The following PRKN variants were observed in gnomAD, a reference collection of about 807,000 sequenced individuals.
PRKN encodes the protein E3 ubiquitin-protein ligase parkin.
PRKN carries 56 observed loss-of-function variants against 59.5 expected under a neutral mutation model. The observed-to-expected ratio is 0.94, with a 90% CI of 0.76 to 1.18. PRKN has a LOEUF of 1.18. PRKN is among the 50% of genes most tolerant of loss of function. The pLI is 0.00. For missense variants in PRKN, 657 were observed against 596.4 expected, an observed-to-expected ratio of 1.10 and a Z score of -1.06; for synonymous variants, 250 against 222.1, an observed-to-expected ratio of 1.13 and a Z score of -1.12.
intron 7 of PRKN, among the ~76,000 whole-genome samples, chr6:161,648,737 C>G (rs902061610): frequency 6.6e-6 from 1 of 152,090 alleles, no homozygotes; most frequent in Admixed American, 6.6e-5. Flanking sequence ...TGCAGTAGAT[C>G]AACAGCATAA....
intron 7 of PRKN, among the ~76,000 whole-genome samples, chr6:161,641,897 T>C (rs920779304): frequency 6.6e-6 from 1 of 152,200 alleles, no homozygotes; most frequent in Admixed American, 6.5e-5. Flanking sequence ...CACCTACCAA[T>C]GAACCAAGCT....
At chr6:162,652,264 A>C (rs376794757) in intron 1 of PRKN, among the ~76,000 whole-genome samples, 8 of 152,280 alleles carry the variant, frequency 5.3e-5, no homozygotes, top group African/African-American at 1.7e-4. Flanking sequence ...CTAAGGACAC[A>C]ATTTTATAAC....
rs1224889377 is a variant in PRKN, at chr6:161,399,547, C to G, written c.1084-12670G>C. ...CTCCCCCTCCCATAAGGAGTTTGAG[C>G]AGTGGTGGTGGCTGAACTGATGAGC... On this transcript the variant is annotated intron_variant, in intron 9 of 11. Transcript: ENST00000366898. This position sits in a 1 kb window ranked among gnomAD's most constrained non-coding sequence, Gnocchi z 4.4. Among the ~76,000 whole-genome samples, 1 of 152,134 alleles carries G rather than the reference C, an allele frequency of 6.6e-6. No homozygotes were observed. The highest frequency in any genetic ancestry group is 1.5e-5 in the Non-Finnish European group (1 of 68,036).
chr6:161,556,927 C>T (rs1378464007), intron 8 of PRKN, among the ~76,000 whole-genome samples: 3 of 152,068 alleles, frequency 2.0e-5, no homozygotes, highest in Non-Finnish European at 4.4e-5. Flanking sequence ...ACTATACTGA[C>T]AGTTTTAAGC....
intron 7 of PRKN, among the ~76,000 whole-genome samples, chr6:161,748,832 C>A (rs556695861): frequency 6.6e-6 from 1 of 152,136 alleles, no homozygotes; most frequent in Non-Finnish European, 1.5e-5. Flanking sequence ...AGTCTCCTTT[C>A]AAACATTTAA....
chr6:161,704,606 C>T (rs372664552), intron 7 of PRKN, among the ~76,000 whole-genome samples: 14 of 152,280 alleles, frequency 9.2e-5, no homozygotes, highest in African/African-American at 3.4e-4. Context: ...AAAATCTGCA[C>T]ACCCAGGTCC....
At chr6:162,099,839 C>T (rs1189974848) in intron 4 of PRKN, among the ~76,000 whole-genome samples, 3 of 152,052 alleles carry the variant, frequency 2.0e-5, no homozygotes, top group Non-Finnish European at 2.9e-5. Flanking sequence ...CTACAGTCAC[C>T]ATATTGTGCA....
chr6:161,957,012 C>T (rs986879572), intron 6 of PRKN, among the ~76,000 whole-genome samples: 4 of 152,182 alleles, frequency 2.6e-5, no homozygotes, highest in African/African-American at 4.8e-5. Flanking sequence ...TGGGAACCTC[C>T]GAGTCTTCAG....
chr6:161,703,778 C>G (rs1786352131), intron 7 of PRKN, among the ~76,000 whole-genome samples: 1 of 147,206 alleles, frequency 6.8e-6, no homozygotes, highest in Non-Finnish European at 1.5e-5. Context: ...TGTGTCTAGT[C>G]AGTTTCTACC....
intron 4 of PRKN, among the ~76,000 whole-genome samples, chr6:162,094,938 A>G (rs1053308437): frequency 1.3e-5 from 2 of 152,148 alleles, no homozygotes; most frequent in Non-Finnish European, 2.9e-5. Context: ...TATTCATGCA[A>G]ATAGTATTGA....
At chr6:162,598,036 A>C (rs1392305776) in intron 1 of PRKN, among the ~76,000 whole-genome samples, 1 of 152,210 alleles carries the variant, frequency 6.6e-6, no homozygotes, top group Non-Finnish European at 1.5e-5. Flanking sequence ...TTAAAATAGA[A>C]TCACGATGGA....
At chr6:161,449,556 C>A (rs1789635122) in intron 9 of PRKN, among the ~76,000 whole-genome samples, 1 of 152,126 alleles carries the variant, frequency 6.6e-6, no homozygotes, top group South Asian at 2.1e-4. Context: ...CCATGGAAAT[C>A]TTAAGTCAAA....
chr6:162,418,747 C>A (rs1788789838), intron 2 of PRKN, among the ~76,000 whole-genome samples: 1 of 151,500 alleles, frequency 6.6e-6, no homozygotes, highest in African/African-American at 2.4e-5. Flanking sequence ...ACGGTTCCTG[C>A]ACACTCATGA....
At chr6:162,305,543 C>A (rs1015449126) in intron 2 of PRKN, among the ~76,000 whole-genome samples, 2 of 152,160 alleles carry the variant, frequency 1.3e-5, no homozygotes, top group East Asian at 1.9e-4. Flanking sequence ...TGCTTTTAGA[C>A]CATGGGTCCA....
chr6:162,610,739 A>G (rs1782112681), intron 1 of PRKN, among the ~76,000 whole-genome samples: 1 of 152,210 alleles, frequency 6.6e-6, no homozygotes, highest in South Asian at 2.1e-4. Flanking sequence ...ATTTCATGTT[A>G]GCATTTTTAT....
At position 161,377,310 on chromosome 6, in the gene PRKN, G is replaced by A. The variant is rs1785758898; in HGVS notation, c.1167+9484C>T. Among the ~76,000 whole-genome samples, 1 of 152,258 alleles carries A rather than the reference G, an allele frequency of 6.6e-6. No individual in the cohort carries two copies. Among genetic ancestry groups the A allele is most frequent in the Non-Finnish European group, 1.5e-5 (1 of 68,044 alleles). ...AGGCCCAAGCAGGCCCACGGGGCGT[G>A]AGCGAGCTGCACAAGCAGGTCCTCA... is the stretch of plus-strand genomic sequence containing the variant. On this transcript the variant is annotated intron_variant, in intron 10 of 11. Coordinates refer to ENST00000366898, the MANE Select transcript of PRKN (RefSeq NM_004562.3). The surrounding 1 kb of genome is among the most constrained non-coding windows in gnomAD (Gnocchi z 4.2).
intron 4 of PRKN, among the ~76,000 whole-genome samples, chr6:162,077,808 T>G (rs542928300): frequency 6.6e-6 from 1 of 152,024 alleles, no homozygotes; most frequent in East Asian, 1.9e-4. Flanking sequence ...AAGACCAGCC[T>G]GGCCAATGTG....
At chr6:161,655,021 T>C (rs539810806) in intron 7 of PRKN, among the ~76,000 whole-genome samples, 2 of 152,044 alleles carry the variant, frequency 1.3e-5, no homozygotes, top group South Asian at 4.2e-4. Flanking sequence ...CCAGACGAGG[T>C]GTCAGCATGG....
Position 161,894,619 on chromosome 6 carries a change from C to T in PRKN, c.734+78683G>A, listed in dbSNP as rs547037022. On this transcript the variant is annotated intron_variant, in intron 6 of 11. Transcript: ENST00000366898. ...CATTTCTCCATGTCTGGAATATGCT[C>T]CTTGCGATATACTTATCTTTGAAAT... Among the ~76,000 whole-genome samples the T allele has an allele frequency of 3.3e-5, 5 of 152,250 alleles. No individual in the cohort carries two copies. The South Asian group carries it at 1.0e-3, about 32-fold the overall frequency.
Sources: gnomAD v4.1 joint callset for allele counts (sites outside exome capture counted in the v4.1 genomes callset) on GRCh38, gnomAD v4.1.1 for gene constraint, Gnocchi (gnomAD v3.1) non-coding constraint, MANE v1.5 for transcripts, NCBI Gene and HGNC (gene_info 2026-07-23, HGNC 2026-07-21) for gene names.